The following CTSB variants were observed in gnomAD, a reference collection of about 807,000 sequenced individuals.
The protein encoded by CTSB is APP secretase.
Under a neutral mutation model 44.3 loss-of-function variants are expected in CTSB, and 57 were observed. The ratio of observed to expected loss-of-function variants is 1.29; its 90% CI spans 1.04 to 1.60. CTSB has a LOEUF of 1.60. Ranked by LOEUF, CTSB falls within the 40% of genes most tolerant of loss-of-function variation. The pLI is 0.00. For missense variants in CTSB, 768 were observed against 443.0 expected (o/e 1.73, Z -6.59); for synonymous variants, 320 against 168.0 (o/e 1.91, Z -7.00).
chr8:11,848,494 ACAC>A, intron 5 of CTSB: 1 of 402,546 alleles, frequency 2.5e-6, no homozygotes, highest in African/African-American at 2.0e-5. Context: ...GTACTTAAAA[ACAC>A]CACCAGTTCT....
In CTSB at chr8:11,868,042, G is replaced by C. The variant is rs1344402860; in HGVS notation, c.-67C>G. The stretch of plus-strand genomic sequence containing the variant: ...GAGCCTGCAGCCCAGCCTGCGCGCA[G>C]CGGAGCGGTTGGCGTTGCCGGAGCG... On this transcript the variant is annotated 5_prime_UTR_variant, in exon 1 of 10. Transcript: ENST00000353047. 6.6e-6 allele frequency: 1 copy of C among 152,500 alleles called. No individual in the cohort carries two copies. The highest frequency in any genetic ancestry group is 1.5e-5 in the Non-Finnish European group (1 of 68,472). The allele number at this position is 152,500 out of a possible 1,614,324, so 9.4% of individuals were successfully genotyped here. A position where few individuals can be genotyped will look rare whatever the true frequency, so the allele number is the denominator to read the frequency against.
At chr8:11,855,255 C>T (rs946620095) in intron 1 of CTSB, among the ~76,000 whole-genome samples, 32 of 152,136 alleles carry the variant, frequency 2.1e-4, no homozygotes, top group East Asian at 1.2e-3. Context: ...CGCCTGACCT[C>T]GTGATCCACC....
rs754274866 is a variant in CTSB at position 11,844,749 on chromosome 8, G to A, written c.*376C>T. On this transcript the variant is annotated 3_prime_UTR_variant, in exon 10 of 10. Transcript: ENST00000353047. ...GGAAAGCTACTTGCTTGGAGGTACTGGGGGAACTGATGGGGGAACTTTCAT... is the reference window on the plus strand; with the variant it reads ...GGAAAGCTACTTGCTTGGAGGTACTAGGGGAACTGATGGGGGAACTTTCAT... 12 of 190,692 alleles carry A rather than the reference G, an allele frequency of 6.3e-5. No homozygotes were observed. The highest frequency in any genetic ancestry group is 8.7e-5 in the Non-Finnish European group (8 of 92,012). 11.8% of individuals were successfully genotyped at this position (190,692 alleles called of 1,614,324 possible). A position where few individuals can be genotyped will look rare whatever the true frequency, so the allele number is the denominator to read the frequency against.
rs1298331497 is a variant in CTSB at position 11,844,896 on chromosome 8, G to C, written c.*229C>G. 1.8e-6 allele frequency: 1 copy of C among 551,934 alleles called. No homozygotes were observed. The highest frequency in any genetic ancestry group is 3.2e-6 in the Non-Finnish European group (1 of 308,176). The allele number at this position is 551,934 out of a possible 1,614,324, so 34.2% of individuals were successfully genotyped here. A position where few individuals can be genotyped will look rare whatever the true frequency, so the allele number is the denominator to read the frequency against. On this transcript the variant is annotated 3_prime_UTR_variant, in exon 10 of 10. Coordinates refer to ENST00000353047, the MANE Select transcript of CTSB (RefSeq NM_001908.5). ...TACTCCCTACGGCACTAGTCTACAG[G>C]GGGAAGGACGCTCTGTGCTGGCAGC...
Position 11,847,170 on chromosome 8 carries a change from T to G in CTSB, c.677-2A>C. ...TGGAGACGCTGTAGGAATTGTATCC[T>G]GGAAAATGAACCGAGCTCGGGGTTG... On this transcript the variant is annotated splice_acceptor_variant, in intron 7 of 9. Coordinates refer to ENST00000353047, the MANE Select transcript of CTSB (RefSeq NM_001908.5). LOFTEE classifies it high-confidence loss of function. 1 of 1,598,790 alleles carries G rather than the reference T, an allele frequency of 6.3e-7. No individual in the cohort carries two copies. The highest frequency in any genetic ancestry group is 8.6e-7 in the Non-Finnish European group (1 of 1,166,514).
rs764945211 is a variant in CTSB at position 11,847,152 on chromosome 8, G to C, written c.693C>G (p.Ser231Arg). The C allele has an allele frequency of 1.9e-6, 3 of 1,611,514 alleles. No individual in the cohort carries two copies. Among genetic ancestry groups the C allele is most frequent in the Non-Finnish European group, 2.5e-6 (3 of 1,177,724 alleles). Reference sequence around the variant, plus strand: ...TGATGTCCTTCTCGCTATTGGAGACGCTGTAGGAATTGTATCCTGGAAAAT... The same window carrying C: ...TGATGTCCTTCTCGCTATTGGAGACCCTGTAGGAATTGTATCCTGGAAAAT... ...QDKHYGYNSY[S>R]VSNSEKDIMA... is the part of the protein sequence containing the mutation. Residue 231 changes from serine (S) to arginine (R), a missense_variant, in exon 8 of 10, where the codon AGC becomes AGG. Coordinates refer to ENST00000353047, the MANE Select transcript of CTSB (RefSeq NM_001908.5).
At chr8:11,861,352 C>T (rs914334460) in intron 1 of CTSB, 1 of 152,498 alleles carries the variant, frequency 6.6e-6, no homozygotes, top group African/African-American at 2.4e-5. Flanking sequence ...CCCACTCCAC[C>T]TCCCTCACCT....
chr8:11,847,277 C>G, intron 7 of CTSB, 109 bp from the exon 8 acceptor site: 3 of 739,274 alleles, frequency 4.1e-6, no homozygotes, highest in Non-Finnish European at 7.3e-6. Flanking sequence ...AAGACTGCAT[C>G]TAAGGGGACT....
chr8:11,853,526 G>A (rs375617937), intron 1 of CTSB, 47 bp from the exon 2 acceptor site: 17 of 1,546,092 alleles, frequency 1.1e-5, no homozygotes, highest in African/African-American at 5.5e-5. Flanking sequence ...TATGTGGGTC[G>A]AGGGCTCACA....
chr8:11,849,012 A>C, intron 5 of CTSB, 34 bp downstream of exon 5: 1 of 1,539,780 alleles, frequency 6.5e-7, no homozygotes, highest in Non-Finnish European at 9.0e-7. Flanking sequence ...GTCTCTCAGC[A>C]CTAAACCCGC....
At chr8:11,850,814 T>C in intron 4 of CTSB, 52 bp downstream of exon 4, 1 of 1,338,926 alleles carries the variant, frequency 7.5e-7, no homozygotes, top group Non-Finnish European at 1.1e-6. Context: ...GACTCTCCAG[T>C]GTTGCTCCCA....
chr8:11,847,369 C>G (rs1692818), intron 7 of CTSB, among the ~76,000 whole-genome samples: 95,270 of 151,990 alleles, frequency 0.63, 29,998 homozygotes, highest in Middle Eastern at 0.68. Context: ...AATGGGAGAA[C>G]GGAGCAATGA....
intron 4 of CTSB, among the ~76,000 whole-genome samples, chr8:11,850,421 AAAAAAAAAAAAAAAAAAAAAG>A (rs1008292888): frequency 5.6e-5 from 5 of 89,344 alleles, no homozygotes; most frequent in Non-Finnish European, 9.3e-5. Flanking sequence ...TCCATCTCCA[AAAAAAAAAAAAAAAAAAAAAG>A]AAAGAAAAAG....
At chr8:11,852,070 G>C (rs1290156405) in intron 3 of CTSB, among the ~76,000 whole-genome samples, 1 of 152,174 alleles carries the variant, frequency 6.6e-6, no homozygotes, top group Non-Finnish European at 1.5e-5. Context: ...GAGACACCTT[G>C]GAGAAGCACA....
rs756929729 is a variant in CTSB, at chr8:11,845,769, C to T, written c.814G>A (p.Gly272Arg). The change falls in exon 9 of 10, where the codon GGA becomes AGA. Residue 272 changes from glycine to arginine, a missense_variant. Coordinates refer to ENST00000353047, the MANE Select transcript of CTSB (RefSeq NM_001908.5). Reference sequence around the variant, plus strand: ...ATGGCATGGCCACCCATCATCTCTCCGGTGACGTGTTGGTACACTCCTGAA... The same window carrying T: ...ATGGCATGGCCACCCATCATCTCTCTGGTGACGTGTTGGTACACTCCTGAA... Reference protein sequence around the residue: ...YKSGVYQHVTGEMMGGHAIRI... With the variant: ...YKSGVYQHVTREMMGGHAIRI... The T allele has an allele frequency of 2.9e-5, 46 of 1,613,800 alleles. No individual in the cohort carries two copies. Among genetic ancestry groups the T allele is most frequent in the African/African-American group, 6.7e-5 (5 of 74,912 alleles).
At chr8:11,859,687 G>C (rs184792036) in intron 1 of CTSB, among the ~76,000 whole-genome samples, 198 of 136,558 alleles carry the variant, frequency 1.4e-3, no homozygotes, top group African/African-American at 4.8e-3. Context: ...AGAATCACTT[G>C]AATCCAGGAA....
rs540616476 is a variant in CTSB, at chr8:11,849,090, C to T, written c.402G>A (p.Ser134=). 4.6e-5 allele frequency: 74 copies of T among 1,613,562 alleles called. 1 individual carries two copies. The highest frequency in any genetic ancestry group is 2.7e-4 in the South Asian group (25 of 91,038). The change falls in exon 5 of 10, where the codon TCG becomes TCA. Residue 134 remains serine, a synonymous_variant. Coordinates refer to ENST00000353047, the MANE Select transcript of CTSB (RefSeq NM_001908.5). ...CACAGCATGTGAGCAGGTCCTCCGC[C>T]GACACCTCCACGCTGACGTGCGCAT... is the stretch of plus-strand genomic sequence containing the variant. ...HTNAHVSVEV[S]AEDLLTCCGS... is the part of the protein sequence containing the mutation.
Position 11,845,013 on chromosome 8 carries a change from A to T in CTSB, c.*112T>A. ...GGAAGACAGGTCTGATGTTTGGCCA[A>T]TCCAGTCCTTCAGACCCTGTCTGAA... On this transcript the variant is annotated 3_prime_UTR_variant, in exon 10 of 10. Transcript: ENST00000353047. 1 of 734,592 alleles carries T rather than the reference A, an allele frequency of 1.4e-6. No homozygotes were observed. The allele number at this position is 734,592 out of a possible 1,614,324, so 45.5% of individuals were successfully genotyped here.
At chr8:11,853,654 G>A (rs1434847901) in intron 1 of CTSB, 175 bp from the exon 2 acceptor site, 22 of 592,368 alleles carry the variant, frequency 3.7e-5, no homozygotes, top group Non-Finnish European at 6.2e-5. Context: ...CCCGAAGCAC[G>A]CCATGACCTC....
Sources: allele counts gnomAD v4.1 joint callset (sites outside exome capture counted in the v4.1 genomes callset), GRCh38; gene constraint gnomAD v4.1.1; transcripts MANE v1.5; gene names NCBI Gene and HGNC (gene_info 2026-07-23, HGNC 2026-07-21).